Variants in ATAD3A observed in about 807,000 individuals in gnomAD.
ATAD3A encodes ATPase family AAA domain containing 3A.
ATAD3A carries 46 observed loss-of-function variants against 73.8 expected under a neutral mutation model. The ratio of observed to expected loss-of-function variants is 0.62; its 90% CI spans 0.49 to 0.80. The LOEUF is 0.80. Among genes scored for constraint, ATAD3A ranks in the 30% least tolerant of loss-of-function variants. The pLI, the probability that ATAD3A is intolerant of heterozygous loss-of-function variation, is 0.00. For synonymous variants in ATAD3A, 319 were observed against 350.0 expected (o/e 0.91, Z 0.99); for missense variants, 705 against 838.0 (o/e 0.84, Z 1.96).
intron 1 of ATAD3A, among the ~76,000 whole-genome samples, chr1:1,514,305 C>T (rs1641287083): frequency 1.3e-5 from 2 of 152,104 alleles, no homozygotes; most frequent in South Asian, 2.1e-4. Context: ...AGCTCCTCAC[C>T]GTGACACCCA....
Position 1,529,197 on chromosome 1 carries a change from G to C in ATAD3A, c.1506-26G>C, listed in dbSNP as rs377612661. ...TGTTGTGGGAGCTGCTGCCTTGGCC[G>C]GCCCACTTGGGAACTCCTTCCCCAG... On this transcript the variant is annotated intron_variant, in intron 14 of 15. Transcript: ENST00000378756. The C allele has an allele frequency of 6.1e-5, 98 of 1,607,068 alleles. No homozygotes were observed. In the African/African-American group the frequency reaches 1.2e-3, roughly 20 times the overall value.
At position 1,523,922 on chromosome 1, in the gene ATAD3A, G is replaced by C. The variant is rs1641703090; in HGVS notation, c.1047G>C (p.Leu349=). 1.9e-6 allele frequency: 3 copies of C among 1,614,036 alleles called. No homozygotes were observed. Among genetic ancestry groups the C allele is most frequent in the South Asian group, 2.2e-5 (2 of 91,088 alleles). Reference sequence around the variant, plus strand: ...ACCGCAGCCTGTACAGGAACATCCTGATGTACGGGCCACCAGGCACCGGGA... The same window carrying C: ...ACCGCAGCCTGTACAGGAACATCCTCATGTACGGGCCACCAGGCACCGGGA... ...KKNRSLYRNI[L]MYGPPGTGKT... The change falls in exon 10 of 16, where the codon CTG becomes CTC. Residue 349 remains leucine (L), a synonymous_variant. Transcript: ENST00000378756. This position sits in a 1 kb window ranked among gnomAD's most constrained non-coding sequence, Gnocchi z 5.1.
At chr1:1,521,053 GGAGGCA>G (rs781638058) in intron 7 of ATAD3A, among the ~76,000 whole-genome samples, 7 of 152,054 alleles carry the variant, frequency 4.6e-5, no homozygotes, top group African/African-American at 9.6e-5. Context: ...CAGCACTTTG[GGAGGCA>G]GAGGCAGAGG....
intron 15 of ATAD3A, among the ~76,000 whole-genome samples, chr1:1,530,848 A>T: frequency 1.0e-5 from 1 of 98,856 alleles, no homozygotes; most frequent in South Asian, 3.6e-4. Flanking sequence ...AAAAAAAAAA[A>T]AAAAAAACTA....
intron 15 of ATAD3A, among the ~76,000 whole-genome samples, chr1:1,530,851 AAAAACT>A (rs1642010220): frequency 1.4e-5 from 2 of 146,042 alleles, no homozygotes; most frequent in Non-Finnish European, 3.0e-5. Context: ...AAAAAAAAAA[AAAAACT>A]AAGAATAATT....
rs941180441 is a variant in ATAD3A, at chr1:1,523,565, A to G, written c.961A>G (p.Ser321Gly). 4.3e-6 allele frequency: 7 copies of G among 1,612,680 alleles called. No individual in the cohort carries two copies. The African/African-American group carries it at 8.0e-5, about 18-fold the overall frequency. Residue 321 changes from serine to glycine, a missense_variant and splice_region_variant, in exon 9 of 16, where the codon AGT becomes GGT. Ser to Gly is a moderately conservative substitution (Grantham distance 56). Around this residue, in one of 5 missense-constraint regions of ATAD3A, gnomAD observed 315 missense variants for 334.1 expected, o/e 0.94. Transcript: ENST00000378756. The surrounding 1 kb of genome is among the most constrained non-coding windows in gnomAD (Gnocchi z 5.1). ...PQDALEGVVLSPSLEARVRDI... is the reference protein window; with the variant it reads ...PQDALEGVVLGPSLEARVRDI... ...GGACGCGCTGGAGGGTGTTGTGCTC[A>G]GTGTAAGTCGGTGTGCCTGGGACCG...
intron 15 of ATAD3A, among the ~76,000 whole-genome samples, chr1:1,532,480 C>T (rs991126061): frequency 6.6e-6 from 1 of 152,198 alleles, no homozygotes; most frequent in African/African-American, 2.4e-5. Flanking sequence ...CAGAGACTTC[C>T]TGGGCCTGGG....
rs771792425 is a variant in ATAD3A, at chr1:1,518,881, G to T, written c.445-40G>T. ...CCCGCACACATGGGCACAGTCACAG[G>T]TTTTAAAGGCTTTTCTCTTTTTCTG... On this transcript the variant is annotated intron_variant, in intron 4 of 15. Transcript: ENST00000378756. 1.9e-6 allele frequency: 3 copies of T among 1,614,100 alleles called. No homozygotes were observed. The South Asian group carries it at 3.3e-5, about 18-fold the overall frequency.
At chr1:1,533,066 G>T (rs556616856) in intron 15 of ATAD3A, among the ~76,000 whole-genome samples, 1 of 152,192 alleles carries the variant, frequency 6.6e-6, no homozygotes, top group African/African-American at 2.4e-5. Flanking sequence ...AGGTTCCGTC[G>T]TGGCGACGGT....
At chr1:1,518,759 C>T (rs1641478391) in intron 4 of ATAD3A, among the ~76,000 whole-genome samples, 162 bp from the exon 5 acceptor site, 1 of 150,704 alleles carries the variant, frequency 6.6e-6, no homozygotes, top group African/African-American at 2.4e-5. Flanking sequence ...CAGTCACCCG[C>T]CTGCACATTC....
In ATAD3A at chr1:1,529,282, CGGAG is replaced by C; in HGVS notation, c.1568_1571del (p.Glu523AlafsTer26). 1 of 1,607,660 alleles carries C rather than the reference CGGAG, an allele frequency of 6.2e-7. No homozygotes were observed. The highest frequency in any genetic ancestry group is 8.5e-7 in the Non-Finnish European group (1 of 1,177,924). On this transcript the variant is annotated frameshift_variant, in exon 15 of 16. Coordinates refer to ENST00000378756, the MANE Select transcript of ATAD3A (RefSeq NM_001170535.3). LOFTEE classifies it high-confidence loss of function. ...AAGTGCTCGGAGGTCGCTCGGCTGA[CGGAG>C]GGCATGTCGGGCCGGGAGATCGCTC...
chr1:1,519,075 G>A lies in ATAD3A; in HGVS notation c.514+85G>A, dbSNP rs529721905. 1.7e-4 allele frequency: 278 copies of A among 1,608,400 alleles called. 1 individual carries two copies. In the African/African-American group the frequency reaches 2.0e-3, roughly 12 times the overall value. ...GTGCACTCTGAGCCTGAGTTCTGCC[G>A]CCCGGCCCCTCATAGCTACCAGTGC... On this transcript the variant is annotated intron_variant, in intron 5 of 15. Transcript: ENST00000378756.
At chr1:1,528,414 G>A (rs1321014655) in intron 14 of ATAD3A, among the ~76,000 whole-genome samples, 6 of 150,792 alleles carry the variant, frequency 4.0e-5, no homozygotes, top group South Asian at 2.1e-4. Flanking sequence ...TGAGACCCCC[G>A]TGTCGGGACT....
Position 1,520,698 on chromosome 1 carries a change from C to T in ATAD3A, c.750+81C>T, listed in dbSNP as rs572349625. The T allele has an allele frequency of 1.2e-6, 2 of 1,605,964 alleles. No homozygotes were observed. The highest frequency in any genetic ancestry group is 1.3e-5 in the African/African-American group (1 of 74,880). ...CCTCCTGGAGCCCCAGGTCCTGTCC[C>T]TGCCGGCTCTGCACAGCCCTGTAGC... On this transcript the variant is annotated intron_variant, in intron 7 of 15. Coordinates refer to ENST00000378756, the MANE Select transcript of ATAD3A (RefSeq NM_001170535.3). This position sits in a 1 kb window ranked among gnomAD's most constrained non-coding sequence, Gnocchi z 4.0.
At chr1:1,527,052 G>T in intron 13 of ATAD3A, 2 of 667,582 alleles carry the variant, frequency 3.0e-6, no homozygotes, top group South Asian at 1.8e-5. Flanking sequence ...TGGCCTCTGT[G>T]GGCTGCCGCC....
intron 11 of ATAD3A, among the ~76,000 whole-genome samples, chr1:1,524,849 C>A (rs1203744810): frequency 1.3e-5 from 2 of 151,070 alleles, no homozygotes; most frequent in Non-Finnish European, 2.9e-5. Context: ...ACCCTTGTGG[C>A]CTCGGCTGTC....
In ATAD3A at chr1:1,523,685, G is replaced by C; in HGVS notation, c.963+118G>C. ...CAGGAGCTTTTGGGTCCTGAGATGC[G>C]ACTGCTTGGACCGTGCTGGGGATAG... is the stretch of plus-strand genomic sequence containing the variant. On this transcript the variant is annotated intron_variant, in intron 9 of 15. Transcript: ENST00000378756. This position sits in a 1 kb window ranked among gnomAD's most constrained non-coding sequence, Gnocchi z 5.1. 6.3e-7 allele frequency: 1 copy of C among 1,590,924 alleles called. No homozygotes were observed. The highest frequency in any genetic ancestry group is 2.0e-4 in the Middle Eastern group (1 of 4,908).
chr1:1,527,707 C>T lies in ATAD3A; in HGVS notation c.1350C>T (p.Val450=), dbSNP rs1389164835. 1.6e-5 allele frequency: 25 copies of T among 1,612,442 alleles called. No homozygotes were observed. Among genetic ancestry groups the T allele is most frequent in the Non-Finnish European group, 2.0e-5 (24 of 1,179,184 alleles). ...CCCCGCCCCGCAGGTTCATGCTGGT[C>T]CTGGCCAGCAACCAACCAGAGCAGT... ...TGQHSNKFML[V]LASNQPEQFD... is the part of the protein sequence containing the mutation. Residue 450 remains valine (V), a synonymous_variant, in exon 14 of 16, where the codon GTC becomes GTT. Transcript: ENST00000378756.
chr1:1,516,181 G>T, intron 2 of ATAD3A, 93 bp downstream of exon 2: 1 of 1,579,800 alleles, frequency 6.3e-7, no homozygotes, highest in Non-Finnish European at 8.6e-7. Context: ...TAGGGCCGGG[G>T]GTGTGTACAT....
Sources: gnomAD v4.1 joint callset for allele counts (sites outside exome capture counted in the v4.1 genomes callset) on GRCh38, gnomAD v4.1.1 for gene constraint, gnomAD v4.1.1 regional missense constraint, Gnocchi (gnomAD v3.1) non-coding constraint, MANE v1.5 for transcripts, NCBI Gene and HGNC (gene_info 2026-07-23, HGNC 2026-07-21) for gene names.